IGSF9: variants seen among roughly 807,000 people sequenced by gnomAD.
IGSF9 encodes the protein protein turtle homolog A.
In IGSF9, 87 loss-of-function variants were observed where a neutral mutation model predicts 121.7. The ratio of observed to expected loss-of-function variants is 0.71; its 90% CI spans 0.60 to 0.85. The LOEUF (loss-of-function observed/expected upper bound fraction) is 0.85. Ranked by LOEUF, IGSF9 falls within the 40% of genes least tolerant of loss-of-function variation. IGSF9 has a pLI of 0.00. For synonymous variants in IGSF9, 640 were observed against 648.4 expected, an observed-to-expected ratio of 0.99 and a Z score of 0.20; for missense variants, 1,462 against 1,565.3, an observed-to-expected ratio of 0.93 and a Z score of 1.11.
chr1:159,931,324 G>GC lies in IGSF9; in HGVS notation c.1514-64dup. ...TGAGGGAGTGTACAGAGTAGCAGGG[G>GC]CCCCAGGGCCACTGACCTTCACCCA... On this transcript the variant is annotated intron_variant, in intron 12 of 20. Coordinates refer to ENST00000368094, the MANE Select transcript of IGSF9 (RefSeq NM_001135050.2). The surrounding 1 kb of genome is among the most constrained non-coding windows in gnomAD (Gnocchi z 4.8). The GC allele has an allele frequency of 6.2e-7, 1 of 1,606,760 alleles. No individual in the cohort carries two copies. Among genetic ancestry groups the GC allele is most frequent in the Non-Finnish European group, 8.5e-7 (1 of 1,174,910 alleles).
Position 159,936,450 on chromosome 1 carries a change from C to T in IGSF9, c.622G>A (p.Ala208Thr). The change falls in exon 6 of 21, where the codon GCC (alanine) becomes ACC (threonine). Residue 208 changes from alanine (A) to threonine (T), a missense_variant. Physicochemically the swap from Ala to Thr is moderately conservative, Grantham distance 58. This residue lies in a region of IGSF9 where 558 missense variants were observed against 599.4 expected (regional missense o/e 0.93). Coordinates refer to ENST00000368094, the MANE Select transcript of IGSF9 (RefSeq NM_001135050.2). Reference sequence around the variant, plus strand: ...GTGGCGCTGCCCTCAGTGCTGGAGGCTTGGCAGGTGTAGACCCCAGAGCTG... The same window carrying T: ...GTGGCGCTGCCCTCAGTGCTGGAGGTTTGGCAGGTGTAGACCCCAGAGCTG... ...RGSSGVYTCQ[A>T]SSTEGSATHA... 6.2e-7 allele frequency: 1 copy of T among 1,614,058 alleles called. No individual in the cohort carries two copies. The highest frequency in any genetic ancestry group is 1.1e-5 in the South Asian group (1 of 91,088).
Position 159,931,407 on chromosome 1 carries a change from C to G in IGSF9, c.1513+46G>C. The G allele has an allele frequency of 6.2e-7, 1 of 1,602,070 alleles. No homozygotes were observed. Among genetic ancestry groups the G allele is most frequent in the Non-Finnish European group, 8.5e-7 (1 of 1,171,784 alleles). On this transcript the variant is annotated intron_variant, in intron 12 of 20. Coordinates refer to ENST00000368094, the MANE Select transcript of IGSF9 (RefSeq NM_001135050.2). The surrounding 1 kb of genome is among the most constrained non-coding windows in gnomAD (Gnocchi z 4.8). ...TCTTTCTGGGCCTCCAAAAACGATT[C>G]CCAAGTAGTTTCTCCCAGCCCCTGG...
At position 159,932,428 on chromosome 1, in the gene IGSF9, C is replaced by T; in HGVS notation, c.1245+84G>A. 7.3e-7 allele frequency: 1 copy of T among 1,371,924 alleles called. No homozygotes were observed. Among genetic ancestry groups the T allele is most frequent in the Non-Finnish European group, 1.0e-6 (1 of 987,084 alleles). 85.0% of individuals were successfully genotyped at this position (1,371,924 alleles called of 1,614,324 possible). On this transcript the variant is annotated intron_variant, in intron 10 of 20. Coordinates refer to ENST00000368094, the MANE Select transcript of IGSF9 (RefSeq NM_001135050.2). The surrounding 1 kb of genome is among the most constrained non-coding windows in gnomAD (Gnocchi z 4.1). ...CCCCTCCCCATGTGTCTGCCCCACC[C>T]CACCCCCATCAGCCTGGCCTTAGCA...
At position 159,932,263 on chromosome 1, in the gene IGSF9, G is replaced by C; in HGVS notation, c.1245+249C>G. The C allele has an allele frequency of 1.7e-6, 1 of 585,592 alleles. No homozygotes were observed. Among genetic ancestry groups the C allele is most frequent in the Non-Finnish European group, 3.0e-6 (1 of 329,326 alleles). 36.3% of individuals were successfully genotyped at this position (585,592 alleles called of 1,614,324 possible). On this transcript the variant is annotated intron_variant, in intron 10 of 20. Coordinates refer to ENST00000368094, the MANE Select transcript of IGSF9 (RefSeq NM_001135050.2). This position sits in a 1 kb window ranked among gnomAD's most constrained non-coding sequence, Gnocchi z 4.1. ...GGGAGGCAGCACGGTCAAGGTTAGT[G>C]AGAGTTGGGGCAAACAGGATATCTT...
Position 159,927,200 on chromosome 1 carries a change from G to A in IGSF9, c.*145C>T, listed in dbSNP as rs1272559811. The A allele has an allele frequency of 2.2e-6, 2 of 906,802 alleles. No individual in the cohort carries two copies. Among genetic ancestry groups the A allele is most frequent in the Non-Finnish European group, 3.5e-6 (2 of 567,714 alleles). The allele number at this position is 906,802 out of a possible 1,614,324, so 56.2% of individuals were successfully genotyped here. On this transcript the variant is annotated 3_prime_UTR_variant, in exon 21 of 21. Transcript: ENST00000368094. ...GGTCAGCACATACATTCCATACCAA[G>A]GTGACCCAAACCCACTATCAGGGTC...
intron 18 of IGSF9, 144 bp from the exon 19 acceptor site, chr1:159,929,162 G>A: frequency 7.6e-7 from 1 of 1,312,908 alleles, no homozygotes. Context: ...TGGAGGGGTG[G>A]AGGGAAGGCA....
chr1:159,929,217 C>T (rs1650879325), intron 18 of IGSF9, 134 bp downstream of exon 18: 1 of 1,335,158 alleles, frequency 7.5e-7, no homozygotes, highest in Non-Finnish European at 1.1e-6. Flanking sequence ...CTGCACACCC[C>T]TTCTTACCCT....
Position 159,930,208 on chromosome 1 carries a change from A to G in IGSF9, c.2045T>C (p.Leu682Pro), listed in dbSNP as rs751422881. Residue 682 changes from leucine to proline, a missense_variant, in exon 15 of 21, where the codon CTG becomes CCG. Physicochemically the swap from Leu to Pro is moderately conservative, Grantham distance 98. Around this residue, in one of 3 missense-constraint regions of IGSF9, gnomAD observed 808 missense variants for 815.2 expected, o/e 0.99. Transcript: ENST00000368094. ...PAVAGTETEL[L>P]VPGLIKDVLY... is the part of the protein sequence containing the mutation. ...ACATACCTTGATGAGGCCTGGCACC[A>G]GCAGCTCTGTTTCTGTGCCTGCCAC... is the stretch of plus-strand genomic sequence containing the variant. The G allele has an allele frequency of 9.9e-6, 16 of 1,611,044 alleles. No individual in the cohort carries two copies. The South Asian group carries it at 1.8e-4, about 18-fold the overall frequency.
Position 159,943,404 on chromosome 1 carries a change from C to A in IGSF9, c.51G>T (p.Gly17=). 1.3e-6 allele frequency: 2 copies of A among 1,588,072 alleles called. No homozygotes were observed. The highest frequency in any genetic ancestry group is 1.7e-6 in the Non-Finnish European group (2 of 1,166,716). Residue 17 remains glycine, a synonymous_variant, in exon 2 of 21, where the codon GGG becomes GGT. Transcript: ENST00000368094. ...LAVLSLVISQ[G]ADGRGKPEVV... is the part of the protein sequence containing the mutation. ...CCCAAGAGCTCAGCTTACCGTCAGC[C>A]CCCTGGCTGATGACCAGGCTGAGGA...
intron 3 of IGSF9, among the ~76,000 whole-genome samples, chr1:159,940,764 G>A (rs936886444): frequency 2.0e-5 from 3 of 152,180 alleles, no homozygotes; most frequent in Non-Finnish European, 4.4e-5. Flanking sequence ...AGTGGAGAAC[G>A]AGGTCACTGA....
In IGSF9 at chr1:159,943,443, G is replaced by A. The variant is rs780807878; in HGVS notation, c.12C>T (p.Cys4=). 2 of 1,585,846 alleles carry A rather than the reference G, an allele frequency of 1.3e-6. No individual in the cohort carries two copies. Among genetic ancestry groups the A allele is most frequent in the Admixed American group, 1.8e-5 (1 of 56,216 alleles). ...CCAGGCTGAGGACGGCCAGGCCGAGGCACCACACCATAGCCCAGCTGGCCT... is the reference window on the plus strand; with the variant it reads ...CCAGGCTGAGGACGGCCAGGCCGAGACACCACACCATAGCCCAGCTGGCCT... The part of the protein sequence containing the change: MVW[C]LGLAVLSLVI... Residue 4 remains cysteine, a synonymous_variant, in exon 2 of 21, where the codon TGC becomes TGT. Transcript: ENST00000368094.
chr1:159,936,625 A>ATT, intron 5 of IGSF9, 109 bp from the exon 6 acceptor site: 1 of 1,522,110 alleles, frequency 6.6e-7, no homozygotes. Context: ...GGGGCAAACA[A>ATT]TGCCAAGCCC....
At position 159,931,143 on chromosome 1, in the gene IGSF9, G is replaced by T; in HGVS notation, c.1632C>A (p.Thr544=). ...GGCAGGAGCAGGTCACTCACAGTGG[G>T]GTGTACCAGACACTGAATCTCTGCA... ...GYLQRFSVWY[T]PLAKRPDRMH... Residue 544 remains threonine, a synonymous_variant, in exon 13 of 21, where the codon ACC becomes ACA. Transcript: ENST00000368094. The surrounding 1 kb of genome is among the most constrained non-coding windows in gnomAD (Gnocchi z 4.8). 6.2e-7 allele frequency: 1 copy of T among 1,614,082 alleles called. No individual in the cohort carries two copies. The highest frequency in any genetic ancestry group is 8.5e-7 in the Non-Finnish European group (1 of 1,179,972).
Position 159,929,835 on chromosome 1 carries a change from G to T in IGSF9, c.2150-21C>A, listed in dbSNP as rs914761185. 5.6e-6 allele frequency: 9 copies of T among 1,597,322 alleles called. No homozygotes were observed. In the Admixed American group the frequency reaches 1.5e-4, roughly 27 times the overall value. On this transcript the variant is annotated intron_variant, in intron 16 of 20. Coordinates refer to ENST00000368094, the MANE Select transcript of IGSF9 (RefSeq NM_001135050.2). ...CAGACCTAGGCAGGGGTCCACGAGGGAGGGTCAGTGGACTCGGAGCAGCCC... is the reference window on the plus strand; with the variant it reads ...CAGACCTAGGCAGGGGTCCACGAGGTAGGGTCAGTGGACTCGGAGCAGCCC...
rs367573427 is a variant in IGSF9, at chr1:159,930,822, T to C, written c.1683A>G (p.Ala561=). 6.1e-5 allele frequency: 98 copies of C among 1,613,190 alleles called. No individual in the cohort carries two copies. The highest frequency in any genetic ancestry group is 7.6e-5 in the Non-Finnish European group (90 of 1,179,634). ...DRMHHDWVSL[A]VPVGAAHLLV... ...GGAGGTGAGCAGCCCCCACAGGCAC[T>C]GCCAAGGACACCCAGTCATGGTGCA... Residue 561 remains alanine, a synonymous_variant, in exon 14 of 21, where the codon GCA becomes GCG. Transcript: ENST00000368094.
Position 159,936,827 on chromosome 1 carries a change from C to A in IGSF9, c.482G>T (p.Arg161Leu), listed in dbSNP as rs1162610080. ...CGTCACATGAGGCAGGGGGCTGCCACGGGCCACACAACGCAGGGTCACAGG... is the reference window on the plus strand; with the variant it reads ...CGTCACATGAGGCAGGGGGCTGCCAAGGGCCACACAACGCAGGGTCACAGG... Reference protein sequence around the residue: ...LEPVTLRCVARGSPLPHVTWK... With the variant: ...LEPVTLRCVALGSPLPHVTWK... Residue 161 changes from arginine to leucine, a missense_variant, in exon 5 of 21, where the codon CGT (arginine) becomes CTT (leucine). Transcript: ENST00000368094. 1 of 1,614,238 alleles carries A rather than the reference C, an allele frequency of 6.2e-7. No individual in the cohort carries two copies. The highest frequency in any genetic ancestry group is 8.5e-7 in the Non-Finnish European group (1 of 1,180,026).
At position 159,928,631 on chromosome 1, in the gene IGSF9, AC is replaced by A; in HGVS notation, c.2756del (p.Gly919ValfsTer9). 6.7e-7 allele frequency: 1 copy of A among 1,487,986 alleles called. No individual in the cohort carries two copies. The highest frequency in any genetic ancestry group is 8.9e-7 in the Non-Finnish European group (1 of 1,117,510). The allele number at this position is 1,487,986 out of a possible 1,614,324, so 92.2% of individuals were successfully genotyped here. ...PPAAPPSPLP[G>X]PGPLLQYLSL... ...TCAGGTACTGGAGCAGGGGTCCAGG[AC>A]CTGGCAAGGGACTGGGTGGGGCTGC... On this transcript the variant is annotated frameshift_variant, in exon 19 of 21. Coordinates refer to ENST00000368094, the MANE Select transcript of IGSF9 (RefSeq NM_001135050.2). LOFTEE classifies it high-confidence loss of function.
At chr1:159,929,486 T>A (rs1294975969) in intron 17 of IGSF9, 93 bp from the exon 18 acceptor site, 44 of 1,532,906 alleles carry the variant, frequency 2.9e-5, no homozygotes, top group Middle Eastern at 3.6e-4. Flanking sequence ...CCCAACCCCA[T>A]CCGGCTGGGA....
In IGSF9 at chr1:159,932,420, G is replaced by GGCCC; in HGVS notation, c.1245+91_1245+92insGGGC. 2.9e-6 allele frequency: 3 copies of GGCCC among 1,021,816 alleles called. No individual in the cohort carries two copies. Among genetic ancestry groups the GGCCC allele is most frequent in the Non-Finnish European group, 2.9e-6 (2 of 689,032 alleles). The allele number at this position is 1,021,816 out of a possible 1,614,324, so 63.3% of individuals were successfully genotyped here. On this transcript the variant is annotated intron_variant, in intron 10 of 20. Transcript: ENST00000368094. The surrounding 1 kb of genome is among the most constrained non-coding windows in gnomAD (Gnocchi z 4.1). ...CTTGGAAACCCCTCCCCATGTGTCTGCCCCACCCCACCCCCATCAGCCTGG... is the reference window on the plus strand; with the variant it reads ...CTTGGAAACCCCTCCCCATGTGTCTGGCCCCCCCACCCCACCCCCATCAGCCTGG...
Sources: gnomAD v4.1 joint callset for allele counts (sites outside exome capture counted in the v4.1 genomes callset) on GRCh38, gnomAD v4.1.1 for gene constraint, gnomAD v4.1.1 regional missense constraint, Gnocchi (gnomAD v3.1) non-coding constraint, MANE v1.5 for transcripts, NCBI Gene and HGNC (gene_info 2026-07-23, HGNC 2026-07-21) for gene names.